Variants in CIITA observed in about 807,000 individuals in gnomAD.
CIITA encodes class II major histocompatibility complex transactivator.
A neutral mutation model predicts 115.1 loss-of-function variants in CIITA; 72 were observed. The ratio of observed to expected loss-of-function variants is 0.63; its 90% CI spans 0.52 to 0.76. The LOEUF (loss-of-function observed/expected upper bound fraction) is 0.76, where lower values mean the gene tolerates loss of function less well. Ranked by LOEUF, CIITA falls within the 30% of genes least tolerant of loss-of-function variation. CIITA has a pLI of 0.00. For synonymous variants in CIITA, 763 were observed against 635.6 expected (o/e 1.20, Z -3.02); for missense variants, 1,617 against 1,463.8 (o/e 1.10, Z -1.71).
At chr16:10,868,351 G>T (rs1341217936) in intron 1 of CIITA, among the ~76,000 whole-genome samples, 1 of 152,202 alleles carries the variant, frequency 6.6e-6, no homozygotes, top group Non-Finnish European at 1.5e-5. Flanking sequence ...CTTCAACTTA[G>T]CCTTCAGGGC....
At position 10,903,830 on chromosome 16, in the gene CIITA, C is replaced by T. The variant is rs370673632; in HGVS notation, c.872C>T (p.Ala291Val). The change falls in exon 9 of 20, where the codon GCT (alanine) becomes GTT (valine). Residue 291 changes from alanine (A) to valine (V), a missense_variant. By Grantham distance (64) the Ala-to-Val change is moderately conservative (BLOSUM62 0). Transcript: ENST00000324288. ...PDRPGSTSPF[A>V]PSATDLPSMP... ...CGGCCAGGCTCCACCAGCCCCTTCG[C>T]TCCATCAGCCACTGACCTGCCCAGC... The T allele has an allele frequency of 5.6e-5, 90 of 1,614,124 alleles. No homozygotes were observed. Among genetic ancestry groups the T allele is most frequent in the Non-Finnish European group, 7.3e-5 (86 of 1,180,042 alleles).
At chr16:10,887,242 T>G (rs1324627625) in intron 1 of CIITA, among the ~76,000 whole-genome samples, 1 of 151,896 alleles carries the variant, frequency 6.6e-6, no homozygotes, top group Non-Finnish European at 1.5e-5. Context: ...CAGGTTGGTG[T>G]TGGGGGGGGC....
intron 1 of CIITA, among the ~76,000 whole-genome samples, chr16:10,871,652 A>G (rs1182801166): frequency 6.6e-6 from 1 of 152,160 alleles, no homozygotes; most frequent in Non-Finnish European, 1.5e-5. Context: ...GATGTGAGAA[A>G]CCAGAGCTGT....
chr16:10,906,376 A>AAACAT, intron 10 of CIITA, 123 bp from the exon 11 acceptor site: 1 of 1,237,738 alleles, frequency 8.1e-7, no homozygotes, highest in Non-Finnish European at 1.1e-6. Flanking sequence ...AAACAAAACA[A>AAACAT]ACAAACAAAA....
downstream of CIITA, chr16:10,940,247 T>G (rs1038678457): frequency 6.6e-6 from 1 of 152,208 alleles, no homozygotes; most frequent in African/African-American, 2.4e-5. The surrounding 1 kb of genome is among the most constrained non-coding windows in gnomAD (Gnocchi z 4.2). Context: ...GGGTGCGGCC[T>G]TAGGGAGGTG....
At chr16:10,893,495 G>C (rs1460257588) in intron 1 of CIITA, among the ~76,000 whole-genome samples, 1 of 152,128 alleles carries the variant, frequency 6.6e-6, no homozygotes, top group Non-Finnish European at 1.5e-5. Context: ...CAGCTTTATT[G>C]AGATGTAATT....
intron 3 of CIITA, among the ~76,000 whole-genome samples, chr16:10,897,382 C>G (rs1242939666): frequency 1.3e-5 from 2 of 152,196 alleles, no homozygotes; most frequent in South Asian, 2.1e-4. Context: ...ACCTGTTTAT[C>G]CACTAATCCA....
chr16:10,913,895 C>G (rs1375356317), intron 13 of CIITA, among the ~76,000 whole-genome samples: 1 of 151,214 alleles, frequency 6.6e-6, no homozygotes, highest in Non-Finnish European at 1.5e-5. Flanking sequence ...GAGCTGAGAT[C>G]ACGCCACTGC....
chr16:10,873,830 G>A (rs542199675), upstream of CIITA, among the ~76,000 whole-genome samples: 130 of 152,198 alleles, frequency 8.5e-4, 1 homozygote, highest in Admixed American at 2.0e-3. Context: ...GATCCCTAGG[G>A]TAAGACCGGC....
chr16:10,911,816 G>T (rs2039604116), intron 13 of CIITA, among the ~76,000 whole-genome samples: 1 of 152,164 alleles, frequency 6.6e-6, no homozygotes, highest in Non-Finnish European at 1.5e-5. Flanking sequence ...CTCCCAAAGT[G>T]CTAGGATTAC....
chr16:10,876,483 G>T (rs2035852838), upstream of CIITA, among the ~76,000 whole-genome samples: 1 of 152,180 alleles, frequency 6.6e-6, no homozygotes, highest in African/African-American at 2.4e-5. Context: ...AAAACAGAGT[G>T]ATCATATATT....
At chr16:10,890,226 T>G (rs2037418496) in intron 1 of CIITA, among the ~76,000 whole-genome samples, 1 of 151,910 alleles carries the variant, frequency 6.6e-6, no homozygotes, top group Non-Finnish European at 1.5e-5. Flanking sequence ...AGGCAACTTC[T>G]CAGTGGTGGT....
intron 12 of CIITA, among the ~76,000 whole-genome samples, chr16:10,909,506 C>T (rs552848675): frequency 1.3e-5 from 2 of 152,350 alleles, no homozygotes; most frequent in Admixed American, 1.3e-4. Flanking sequence ...CACCTACTGC[C>T]ACCCTTTGAG....
Position 10,879,321 on chromosome 16 carries a change from G to A in CIITA, c.52+1939G>A, listed in dbSNP as rs1055867988. On this transcript the variant is annotated intron_variant, in intron 1 of 19. Coordinates refer to ENST00000324288, the MANE Select transcript of CIITA (RefSeq NM_000246.4). This position sits in a 1 kb window ranked among gnomAD's most constrained non-coding sequence, Gnocchi z 4.3. The stretch of plus-strand genomic sequence containing the variant: ...GCCTGGCGGCAGCTTCTGCAGAGAA[G>A]CCGGAGCGCAGACTGGGAGCGCGGA... Among the ~76,000 whole-genome samples, 10 of 152,252 alleles carry A rather than the reference G, an allele frequency of 6.6e-5. No individual in the cohort carries two copies. Among genetic ancestry groups the A allele is most frequent in the African/African-American group, 2.2e-4 (9 of 41,548 alleles).
chr16:10,900,610 A>T (rs552071536), intron 5 of CIITA, among the ~76,000 whole-genome samples: 2 of 151,758 alleles, frequency 1.3e-5, no homozygotes, highest in Admixed American at 6.6e-5. Flanking sequence ...CGTGGTGGCG[A>T]ACACCTGTAA....
chr16:10,920,459 C>A lies in CIITA; in HGVS notation c.3150-1708C>A, dbSNP rs946656919. 2.0e-5 allele frequency among the ~76,000 whole-genome samples: 3 copies of A among 152,160 alleles called. No individual in the cohort carries two copies. The East Asian group carries it at 5.8e-4, about 29-fold the overall frequency. ...ACAGGGCTTCGCCATGTGGCCCAGA[C>A]TGGTCTTGAAATCCTGGGCCCAAGC... On this transcript the variant is annotated intron_variant, in intron 16 of 19. Transcript: ENST00000324288. This position sits in a 1 kb window ranked among gnomAD's most constrained non-coding sequence, Gnocchi z 4.5.
chr16:10,923,391 G>A lies in CIITA; in HGVS notation c.*22+66G>A, dbSNP rs981851535. 7.5e-7 allele frequency: 1 copy of A among 1,328,108 alleles called. No individual in the cohort carries two copies. The highest frequency in any genetic ancestry group is 1.1e-6 in the Non-Finnish European group (1 of 925,092). 82.3% of individuals were successfully genotyped at this position (1,328,108 alleles called of 1,614,324 possible). On this transcript the variant is annotated intron_variant, in intron 19 of 19. Coordinates refer to ENST00000324288, the MANE Select transcript of CIITA (RefSeq NM_000246.4). The surrounding 1 kb of genome is among the most constrained non-coding windows in gnomAD (Gnocchi z 5.2). ...TGGGGGCAGTGTCCTTGTGAAGGTG[G>A]CATTCAAAAAATGTGGGCGGGACAC...
In CIITA at chr16:10,908,054, G is replaced by A. The variant is rs1202117070; in HGVS notation, c.2562G>A (p.Ala854=). Reference sequence around the variant, plus strand: ...ATGTACTGGGCAAGGCCTTGGAGGCGGCGGGCCAAGACTTCTCCCTGGACC... The same window carrying A: ...ATGTACTGGGCAAGGCCTTGGAGGCAGCGGGCCAAGACTTCTCCCTGGACC... ...DAHVLGKALE[A]AGQDFSLDLR... The change falls in exon 11 of 20, where the codon GCG becomes GCA. Residue 854 remains alanine, a synonymous_variant. Transcript: ENST00000324288. 7.4e-6 allele frequency: 12 copies of A among 1,613,038 alleles called. No homozygotes were observed. The highest frequency in any genetic ancestry group is 6.7e-5 in the Admixed American group (4 of 59,936).
chr16:10,923,185 C>T lies in CIITA; in HGVS notation c.3318-43C>T, dbSNP rs748484018. On this transcript the variant is annotated intron_variant, in intron 18 of 19. Coordinates refer to ENST00000324288, the MANE Select transcript of CIITA (RefSeq NM_000246.4). This position sits in a 1 kb window ranked among gnomAD's most constrained non-coding sequence, Gnocchi z 5.2. ...GCTGTCACTGGGGCCCCAGGCCGCC[C>T]TCTCTCCTCTAACCTGGCTCTGAGT... 11 of 1,591,212 alleles carry T rather than the reference C, an allele frequency of 6.9e-6. No individual in the cohort carries two copies. The East Asian group carries it at 2.2e-4, about 32-fold the overall frequency.
Sources: gnomAD v4.1 joint callset for allele counts (sites outside exome capture counted in the v4.1 genomes callset) on GRCh38, gnomAD v4.1.1 for gene constraint, Gnocchi (gnomAD v3.1) non-coding constraint, MANE v1.5 for transcripts, NCBI Gene and HGNC (gene_info 2026-07-23, HGNC 2026-07-21) for gene names.